Variants in IQCM observed in about 807,000 individuals in gnomAD.
IQCM encodes the protein IQ domain-containing protein M.
IQCM carries 45 observed loss-of-function variants against 57.6 expected under a neutral mutation model. That is an observed-to-expected ratio of 0.78 (90% CI 0.62 to 1.00). The LOEUF is 1.00. IQCM is among the 50% of genes least tolerant of loss of function. The pLI is 0.00. For missense variants in IQCM, 468 were observed against 511.6 expected, an observed-to-expected ratio of 0.91 and a Z score of 0.82; for synonymous variants, 148 against 158.9, an observed-to-expected ratio of 0.93 and a Z score of 0.51.
In IQCM at chr4:149,682,163, A is replaced by C. The variant is rs1043206907; in HGVS notation, c.520T>G (p.Tyr174Asp). The C allele has an allele frequency of 8.2e-7, 1 of 1,226,140 alleles. No homozygotes were observed. The highest frequency in any genetic ancestry group is 1.6e-5 in the African/African-American group (1 of 64,174). 76.0% of individuals were successfully genotyped at this position (1,226,140 alleles called of 1,614,324 possible). A position where few individuals can be genotyped will look rare whatever the true frequency, so the allele number is the denominator to read the frequency against. Residue 174 changes from tyrosine (Y) to aspartate (D), a missense_variant, in exon 7 of 14, where the codon TAC becomes GAC. Coordinates refer to ENST00000636793, the MANE Select transcript of IQCM (RefSeq NM_001363507.2). Reference sequence around the variant, plus strand: ...AAGTTAGAGGTCCCAGGTTGTAAGTAAAGATGGACAGGAAAGGGATAGAGT... The same window carrying C: ...AAGTTAGAGGTCCCAGGTTGTAAGTCAAGATGGACAGGAAAGGGATAGAGT... ...ELLYPFPVHL[Y>D]LQPGTSNLEL...
In IQCM at chr4:149,413,725, G is replaced by T. The variant is rs550282732; in HGVS notation, c.1390+19671C>A. On this transcript the variant is annotated intron_variant, in intron 13 of 13. Transcript: ENST00000636793. ...TGAAATATTTAAAAATAAAAATATA[G>T]CTTATTCACGTGCTTATATTTTTTA... 5.3e-5 allele frequency among the ~76,000 whole-genome samples: 8 copies of T among 152,202 alleles called. No homozygotes were observed. The South Asian group carries it at 1.7e-3, about 32-fold the overall frequency.
chr4:149,671,206 C>T (rs149957729), intron 7 of IQCM, among the ~76,000 whole-genome samples: 6,218 of 152,094 alleles, frequency 0.041, 198 homozygotes, highest in Non-Finnish European at 0.067. Context: ...CTGGTTTAGT[C>T]TTGGGAGGGT....
intron 5 of IQCM, among the ~76,000 whole-genome samples, chr4:149,701,041 CT>C (rs1260156349): frequency 6.6e-6 from 1 of 151,942 alleles, no homozygotes; most frequent in African/African-American, 2.4e-5. Context: ...CCCCAAATCC[CT>C]CTTTACATGC....
intron 12 of IQCM, among the ~76,000 whole-genome samples, chr4:149,508,285 A>G (rs1463617278): frequency 1.3e-5 from 2 of 151,800 alleles, no homozygotes; most frequent in African/African-American, 4.8e-5. Context: ...CATCCTCCAG[A>G]CTCCAGAATG....
intron 12 of IQCM, among the ~76,000 whole-genome samples, chr4:149,491,512 A>G (rs1742093642): frequency 6.6e-6 from 1 of 152,008 alleles, no homozygotes; most frequent in Admixed American, 6.6e-5. Flanking sequence ...ATCATGTGGT[A>G]TTTGTTTTTC....
chr4:149,519,714 C>A (rs1183161161), intron 12 of IQCM, among the ~76,000 whole-genome samples: 1 of 149,756 alleles, frequency 6.7e-6, no homozygotes. Flanking sequence ...AAAACAGTAT[C>A]CTGTTTTGGG....
At chr4:149,419,191 C>G (rs751133609) in intron 13 of IQCM, among the ~76,000 whole-genome samples, 2 of 152,002 alleles carry the variant, frequency 1.3e-5, no homozygotes, top group Admixed American at 6.6e-5. Flanking sequence ...CAAGACAATC[C>G]TAAGCAAAAA....
In IQCM at chr4:149,391,651, T is replaced by G. The variant is rs1016194102; in HGVS notation, c.1391-39585A>C. 2.0e-5 allele frequency among the ~76,000 whole-genome samples: 3 copies of G among 152,114 alleles called. No homozygotes were observed. In the East Asian group the frequency reaches 5.8e-4, roughly 30 times the overall value. ...GTTATATAAATTTTCCTCTAAGCAC[T>G]GCTTTAAGTTTCAGTATGTTGTATT... On this transcript the variant is annotated intron_variant, in intron 13 of 13. Transcript: ENST00000636793.
At chr4:149,758,959 CAAAG>C (rs1769247574) in intron 2 of IQCM, among the ~76,000 whole-genome samples, 1 of 150,078 alleles carries the variant, frequency 6.7e-6, no homozygotes, top group Non-Finnish European at 1.5e-5. Context: ...AGTATTTCCT[CAAAG>C]AGTTTAAAAC....
chr4:149,557,631 A>T (rs1432812356), intron 10 of IQCM, among the ~76,000 whole-genome samples: 4 of 152,182 alleles, frequency 2.6e-5, no homozygotes, highest in African/African-American at 9.7e-5. Context: ...ACACAGGAAG[A>T]AAAAACAATT....
chr4:149,515,341 C>T (rs1744847151), intron 12 of IQCM, among the ~76,000 whole-genome samples: 2 of 152,104 alleles, frequency 1.3e-5, no homozygotes, highest in Non-Finnish European at 2.9e-5. Flanking sequence ...GTGGGTTGTG[C>T]ACAGCAGCAT....
intron 12 of IQCM, among the ~76,000 whole-genome samples, chr4:149,499,474 C>T (rs1743015692): frequency 6.6e-6 from 1 of 151,982 alleles, no homozygotes; most frequent in African/African-American, 2.4e-5. Flanking sequence ...AGATACTGAA[C>T]CTATATTGGA....
chr4:149,742,466 T>C (rs1052582756), intron 3 of IQCM, among the ~76,000 whole-genome samples, 189 bp downstream of exon 3: 3 of 152,132 alleles, frequency 2.0e-5, no homozygotes, highest in Non-Finnish European at 2.9e-5. Context: ...GGATACCATA[T>C]GGGACAGCAC....
chr4:149,640,617 A>G (rs541261181), intron 7 of IQCM, among the ~76,000 whole-genome samples: 1 of 151,984 alleles, frequency 6.6e-6, no homozygotes, highest in Admixed American at 6.5e-5. Flanking sequence ...TTCTAACCAC[A>G]TTTTGCATTT....
intron 13 of IQCM, among the ~76,000 whole-genome samples, chr4:149,389,714 G>A (rs1444658636): frequency 2.2e-5 from 3 of 139,282 alleles, no homozygotes; most frequent in Middle Eastern, 3.7e-3. Context: ...GTTGTGGGTT[G>A]GGGGCGGGGG....
rs560781955 is a variant in IQCM at position 149,355,843 on chromosome 4, A to G, written c.1391-3777T>C. Reference sequence around the variant, plus strand: ...CACTGACTTCCACAATGGTTGAACTAGTTTACAGTCCCACCAACAGTGTAA... The same window carrying G: ...CACTGACTTCCACAATGGTTGAACTGGTTTACAGTCCCACCAACAGTGTAA... On this transcript the variant is annotated intron_variant, in intron 13 of 13. Transcript: ENST00000636793. Among the ~76,000 whole-genome samples the G allele has an allele frequency of 2.4e-3, 367 of 152,166 alleles. 3 individuals carry two copies. The highest frequency in any genetic ancestry group is 8.5e-3 in the African/African-American group (351 of 41,518).
At chr4:149,726,035 G>A (rs1017672014) in intron 5 of IQCM, among the ~76,000 whole-genome samples, 2 of 141,764 alleles carry the variant, frequency 1.4e-5, no homozygotes, top group African/African-American at 5.4e-5. Flanking sequence ...CTTCCCTGAT[G>A]CTCAGTGACA....
At chr4:149,360,930 C>G (rs575956609) in intron 13 of IQCM, among the ~76,000 whole-genome samples, 59 of 152,158 alleles carry the variant, frequency 3.9e-4, no homozygotes, top group Non-Finnish European at 6.3e-4. Flanking sequence ...CAGAAGAAGA[C>G]AGGAAAATGT....
At chr4:149,696,837 T>C (rs1041017101) in intron 5 of IQCM, among the ~76,000 whole-genome samples, 1 of 152,114 alleles carries the variant, frequency 6.6e-6, no homozygotes, top group African/African-American at 2.4e-5. Context: ...TTTAAAGTCA[T>C]TGTCTGCATC....
Sources: gnomAD v4.1 joint callset for allele counts (sites outside exome capture counted in the v4.1 genomes callset) on GRCh38, gnomAD v4.1.1 for gene constraint, MANE v1.5 for transcripts, NCBI Gene and HGNC (gene_info 2026-07-23, HGNC 2026-07-21) for gene names.